MAGI2: variants seen among roughly 807,000 people sequenced by gnomAD.
The protein encoded by MAGI2 is membrane-associated guanylate kinase, WW and PDZ domain-containing protein 2.
MAGI2 carries 35 observed loss-of-function variants against 133.3 expected under a neutral mutation model. That is an observed-to-expected ratio of 0.26 (90% confidence interval 0.20 to 0.35). The LOEUF is 0.35. Ranked by LOEUF, MAGI2 falls within the 10% of genes least tolerant of loss-of-function variation. The pLI is 1.00. For synonymous variants in MAGI2, 729 were observed against 710.6 expected (o/e 1.03, Z -0.41); for missense variants, 1,636 against 1,863.4 (o/e 0.88, Z 2.25).
chr7:78,421,278 T>C (rs2215379), intron 6 of MAGI2, among the ~76,000 whole-genome samples: 109,721 of 152,054 alleles, frequency 0.72, 39,868 homozygotes, highest in Middle Eastern at 0.78. Flanking sequence ...AACACCTTTA[T>C]GTAACTCACT....
chr7:78,502,410 G>A lies in MAGI2; in HGVS notation c.755-623C>T, dbSNP rs73374299. 7.2e-3 allele frequency among the ~76,000 whole-genome samples: 1,098 copies of A among 152,208 alleles called. 14 individuals are homozygous for A. Among genetic ancestry groups the A allele is most frequent in the African/African-American group, 0.024 (1,006 of 41,540 alleles). On this transcript the variant is annotated intron_variant, in intron 4 of 21. Coordinates refer to ENST00000354212, the MANE Select transcript of MAGI2 (RefSeq NM_012301.4). The stretch of plus-strand genomic sequence containing the variant: ...AAGGAAAGGAAATGGATTATTTCCT[G>A]GAGAATCCGGAAAGGAACACAGCTC...
At chr7:79,350,199 C>G (rs1841598216) in intron 1 of MAGI2, among the ~76,000 whole-genome samples, 2 of 152,048 alleles carry the variant, frequency 1.3e-5, no homozygotes, top group African/African-American at 2.4e-5. Flanking sequence ...CTGCATGTTC[C>G]TTTAGGGTGT....
chr7:79,063,955 T>C (rs1024530328), intron 1 of MAGI2, among the ~76,000 whole-genome samples: 2 of 152,146 alleles, frequency 1.3e-5, no homozygotes, highest in Non-Finnish European at 1.5e-5. Context: ...AATTGAGTTC[T>C]GGCATAGAGA....
At chr7:78,734,857 G>A (rs1021594953) in intron 2 of MAGI2, among the ~76,000 whole-genome samples, 19 of 151,996 alleles carry the variant, frequency 1.3e-4, no homozygotes, top group African/African-American at 3.9e-4. Flanking sequence ...AGAGATCAGC[G>A]AAACCACTGA....
At chr7:78,411,599 T>G (rs1797877624) in intron 6 of MAGI2, among the ~76,000 whole-genome samples, 1 of 152,012 alleles carries the variant, frequency 6.6e-6, no homozygotes, top group African/African-American at 2.4e-5. Flanking sequence ...GTAAGCATTC[T>G]CAGACGAAAG....
chr7:78,780,688 T>G (rs1241261278), intron 2 of MAGI2, among the ~76,000 whole-genome samples: 1 of 152,214 alleles, frequency 6.6e-6, no homozygotes, highest in African/African-American at 2.4e-5. Flanking sequence ...GTGTGAGGCT[T>G]TCAAAGAACC....
chr7:78,313,768 G>A (rs952001378), intron 9 of MAGI2, among the ~76,000 whole-genome samples: 1 of 151,656 alleles, frequency 6.6e-6, no homozygotes, highest in Non-Finnish European at 1.5e-5. Flanking sequence ...TTTCAGAGAC[G>A]GAAAAAAAAT....
chr7:79,120,609 T>C (rs1819810364), intron 1 of MAGI2, among the ~76,000 whole-genome samples: 1 of 152,020 alleles, frequency 6.6e-6, no homozygotes, highest in Non-Finnish European at 1.5e-5. Flanking sequence ...TCCTAATCTA[T>C]TTACAGAAGC....
chr7:78,283,732 A>T (rs776230658), intron 9 of MAGI2, among the ~76,000 whole-genome samples: 9 of 152,124 alleles, frequency 5.9e-5, no homozygotes, highest in Non-Finnish European at 1.2e-4. Flanking sequence ...TGGATCAGTC[A>T]TCTATAGAAT....
intron 7 of MAGI2, among the ~76,000 whole-genome samples, chr7:78,348,785 C>A (rs1384524552): frequency 2.0e-5 from 3 of 152,176 alleles, no homozygotes; most frequent in Non-Finnish European, 4.4e-5. Context: ...AGGACAACAA[C>A]AACAAAAGTA....
chr7:79,250,999 C>T (rs1394074171), intron 1 of MAGI2, among the ~76,000 whole-genome samples: 1 of 152,106 alleles, frequency 6.6e-6, no homozygotes, highest in Non-Finnish European at 1.5e-5. Flanking sequence ...GTGACAGTCT[C>T]TTCAATAAAT....
At chr7:79,150,394 C>T (rs911258205) in intron 1 of MAGI2, among the ~76,000 whole-genome samples, 4 of 152,110 alleles carry the variant, frequency 2.6e-5, no homozygotes, top group Non-Finnish European at 5.9e-5. Flanking sequence ...CAATAAATAT[C>T]TTCCCTCCAT....
intron 2 of MAGI2, among the ~76,000 whole-genome samples, chr7:78,941,291 AC>A (rs1800944045): frequency 6.6e-6 from 1 of 152,082 alleles, no homozygotes; most frequent in Non-Finnish European, 1.5e-5. Context: ...TCAAAACCTA[AC>A]AAGATCTTTT....
At chr7:78,107,279 T>C (rs752810858) in intron 20 of MAGI2, among the ~76,000 whole-genome samples, 1 of 152,020 alleles carries the variant, frequency 6.6e-6, no homozygotes, top group Non-Finnish European at 1.5e-5. Flanking sequence ...ATTTGAATAA[T>C]GTGACCCCTG....
chr7:78,633,172 A>G (rs946886201), intron 2 of MAGI2, among the ~76,000 whole-genome samples: 3 of 152,214 alleles, frequency 2.0e-5, no homozygotes, highest in African/African-American at 7.2e-5. Context: ...GTTCTCACTT[A>G]TAAGTGGGAG....
At chr7:78,191,003 T>C (rs577372565) in intron 12 of MAGI2, among the ~76,000 whole-genome samples, 13 of 152,214 alleles carry the variant, frequency 8.5e-5, no homozygotes, top group Non-Finnish European at 1.8e-4. Flanking sequence ...ACATACAGAA[T>C]AGTCACGTTT....
intron 4 of MAGI2, among the ~76,000 whole-genome samples, chr7:78,509,554 T>A (rs1291404560): frequency 6.6e-6 from 1 of 152,218 alleles, no homozygotes; most frequent in Non-Finnish European, 1.5e-5. Flanking sequence ...TCAGTCCTTA[T>A]AAATTCTATG....
intron 20 of MAGI2, among the ~76,000 whole-genome samples, chr7:78,097,047 C>G (rs868784565): frequency 8.5e-5 from 13 of 152,054 alleles, no homozygotes; most frequent in African/African-American, 1.2e-4. Flanking sequence ...ATGTGCCCAA[C>G]AAGCATATGA....
chr7:79,119,693 C>G (rs73369353), intron 1 of MAGI2, among the ~76,000 whole-genome samples: 2,083 of 152,126 alleles, frequency 0.014, 40 homozygotes, highest in African/African-American at 0.046. Context: ...CAACGCTCAT[C>G]CCTCCCTCTC....
Sources: gnomAD v4.1 joint callset for allele counts (sites outside exome capture counted in the v4.1 genomes callset) on GRCh38, gnomAD v4.1.1 for gene constraint, MANE v1.5 for transcripts, NCBI Gene and HGNC (gene_info 2026-07-23, HGNC 2026-07-21) for gene names.